Variants in EIF2AK4 observed in about 807,000 individuals in gnomAD.
EIF2AK4 encodes eukaryotic translation initiation factor 2 alpha kinase 4.
A neutral mutation model predicts 211.1 loss-of-function variants in EIF2AK4; 139 were observed. The ratio of observed to expected loss-of-function variants is 0.66; its 90% CI spans 0.57 to 0.76. EIF2AK4 has a LOEUF of 0.76. EIF2AK4 is among the 30% of genes least tolerant of loss of function. The pLI, the probability that EIF2AK4 is intolerant of heterozygous loss-of-function variation, is 0.00. For synonymous variants in EIF2AK4, 710 were observed against 751.3 expected, an observed-to-expected ratio of 0.94 and a Z score of 0.90; for missense variants, 1,664 against 2,043.8, an observed-to-expected ratio of 0.81 and a Z score of 3.58.
Position 39,988,951 on chromosome 15 carries a change from A to C in EIF2AK4, c.2526+846A>C, listed in dbSNP as rs562686023. On this transcript the variant is annotated intron_variant, in intron 15 of 38. Coordinates refer to ENST00000263791, the MANE Select transcript of EIF2AK4 (RefSeq NM_001013703.4). ...GGGAGGTGGAGGTTGCAGTGAGCTGAGATTGTACCACTGCGCTCCAGCCTA... is the reference window on the plus strand; with the variant it reads ...GGGAGGTGGAGGTTGCAGTGAGCTGCGATTGTACCACTGCGCTCCAGCCTA... Among the ~76,000 whole-genome samples, 4 of 152,298 alleles carry C rather than the reference A, an allele frequency of 2.6e-5. No homozygotes were observed. The South Asian group carries it at 6.2e-4, about 24-fold the overall frequency.
intron 8 of EIF2AK4, among the ~76,000 whole-genome samples, chr15:39,967,007 T>C (rs1038950548): frequency 7.2e-5 from 11 of 152,234 alleles, no homozygotes; most frequent in African/African-American, 2.2e-4. Flanking sequence ...TTTTTTCTAG[T>C]GGCTATACCT....
intron 16 of EIF2AK4, among the ~76,000 whole-genome samples, chr15:39,990,982 G>A (rs1050683435): frequency 6.6e-6 from 1 of 152,234 alleles, no homozygotes; most frequent in African/African-American, 2.4e-5. Flanking sequence ...AGGTGCAGGG[G>A]AGAGTAAGAG....
intron 6 of EIF2AK4, among the ~76,000 whole-genome samples, chr15:39,956,755 A>G (rs1452044004): frequency 6.6e-6 from 1 of 152,112 alleles, no homozygotes; most frequent in Non-Finnish European, 1.5e-5. Context: ...TTCAACCTTC[A>G]TTGTATGTTT....
At chr15:40,011,399 C>G in intron 27 of EIF2AK4, 53 bp downstream of exon 27, 1 of 1,470,912 alleles carries the variant, frequency 6.8e-7, no homozygotes, top group Non-Finnish European at 9.4e-7. Flanking sequence ...TTTGTGATAC[C>G]AGAAAATGTC....
intron 9 of EIF2AK4, among the ~76,000 whole-genome samples, chr15:39,968,984 A>G: frequency 6.6e-6 from 1 of 152,078 alleles, no homozygotes; most frequent in East Asian, 1.9e-4. Context: ...TAAGATTTCT[A>G]AAGAAATCTT....
At chr15:39,999,009 T>C (rs1409747969) in intron 20 of EIF2AK4, among the ~76,000 whole-genome samples, 3 of 152,172 alleles carry the variant, frequency 2.0e-5, no homozygotes, top group Non-Finnish European at 4.4e-5. Flanking sequence ...CAGGGTTCTT[T>C]TGTGCAATTC....
chr15:40,009,509 C>T, intron 25 of EIF2AK4, 105 bp from the exon 26 acceptor site: 1 of 661,360 alleles, frequency 1.5e-6, no homozygotes, highest in Non-Finnish European at 2.6e-6. Flanking sequence ...TAAATTCAAT[C>T]CTTCCATTGT....
At chr15:39,944,536 A>G (rs2034198055) in intron 3 of EIF2AK4, among the ~76,000 whole-genome samples, 1 of 145,282 alleles carries the variant, frequency 6.9e-6, no homozygotes, top group Non-Finnish European at 1.5e-5. Flanking sequence ...GGTTCGCGCC[A>G]TTCTCCTGCC....
At chr15:39,937,862 C>A (rs1464213505) in intron 1 of EIF2AK4, among the ~76,000 whole-genome samples, 2 of 152,186 alleles carry the variant, frequency 1.3e-5, no homozygotes, top group Admixed American at 1.3e-4. Flanking sequence ...AAATGCCATT[C>A]CTACAAGCCC....
At position 40,026,012 on chromosome 15, in the gene EIF2AK4, G is replaced by A. The variant is rs768151794; in HGVS notation, c.4425G>A (p.Lys1475=). The change falls in exon 33 of 39, where the codon AAG becomes AAA. Residue 1475 remains lysine, a synonymous_variant. Transcript: ENST00000263791. ...KSFEKERQTE[K]RVLETELVDH... ...TCGAGAAGGAAAGGCAGACAGAGAA[G>A]CGTGTGCTGGAGACTGAACTTGTGG... 1 of 1,614,166 alleles carries A rather than the reference G, an allele frequency of 6.2e-7. No individual in the cohort carries two copies. The highest frequency in any genetic ancestry group is 2.2e-5 in the East Asian group (1 of 44,884).
intron 34 of EIF2AK4, 94 bp downstream of exon 34, chr15:40,029,558 C>T: frequency 7.6e-7 from 1 of 1,309,980 alleles, no homozygotes; most frequent in Non-Finnish European, 1.1e-6. Flanking sequence ...CACTGGAAAT[C>T]TATTTTTAAA....
intron 13 of EIF2AK4, among the ~76,000 whole-genome samples, chr15:39,978,876 C>T (rs1167097505): frequency 1.3e-5 from 2 of 152,158 alleles, no homozygotes; most frequent in African/African-American, 2.4e-5. Flanking sequence ...TGAGACACTA[C>T]ATACATCATG....
chr15:40,009,667 C>T lies in EIF2AK4; in HGVS notation c.3630C>T (p.Leu1210=), dbSNP rs1318313406. Residue 1210 remains leucine, a synonymous_variant, in exon 26 of 39, where the codon CTC becomes CTT. Coordinates refer to ENST00000263791, the MANE Select transcript of EIF2AK4 (RefSeq NM_001013703.4). ...LNHTMLLKAI[L]LHCGIPEDKL... ...ATACCATGTTATTGAAAGCAATACT[C>T]TTACACTGTGGGATCCCAGAAGATA... 6.2e-7 allele frequency: 1 copy of T among 1,610,614 alleles called. No homozygotes were observed.
chr15:40,022,335 A>G lies in EIF2AK4; in HGVS notation c.4303-184A>G, dbSNP rs2035402593. Reference sequence around the variant, plus strand: ...ATCATGAAGGGAAGGGAGGCAAGAGAGGCCTTGTTCCTCCCTTGAATTCTA... The same window carrying G: ...ATCATGAAGGGAAGGGAGGCAAGAGGGGCCTTGTTCCTCCCTTGAATTCTA... On this transcript the variant is annotated intron_variant, in intron 31 of 38. Transcript: ENST00000263791. 3 of 547,324 alleles carry G rather than the reference A, an allele frequency of 5.5e-6. No individual in the cohort carries two copies. The East Asian group carries it at 9.2e-5, about 17-fold the overall frequency. 33.9% of individuals were successfully genotyped at this position (547,324 alleles called of 1,614,324 possible). A position where few individuals can be genotyped will look rare whatever the true frequency, so the allele number is the denominator to read the frequency against.
intron 14 of EIF2AK4, among the ~76,000 whole-genome samples, chr15:39,987,775 A>G (rs1018004225): frequency 9.2e-5 from 14 of 152,364 alleles, no homozygotes; most frequent in African/African-American, 3.4e-4. Context: ...AAAAATGGTT[A>G]TGTTGGAGTG....
At chr15:40,004,099 T>C (rs2035128083) in intron 23 of EIF2AK4, among the ~76,000 whole-genome samples, 5 of 152,234 alleles carry the variant, frequency 3.3e-5, no homozygotes, top group Admixed American at 1.3e-4. Context: ...TAAATTAATG[T>C]TATCCAGAGA....
intron 25 of EIF2AK4, among the ~76,000 whole-genome samples, chr15:40,008,902 G>A (rs1763375395): frequency 6.6e-6 from 1 of 152,106 alleles, no homozygotes; most frequent in Non-Finnish European, 1.5e-5. Flanking sequence ...TCGGCACATG[G>A]CTCACCACTC....
At chr15:39,937,845 T>C (rs2034089214) in intron 1 of EIF2AK4, among the ~76,000 whole-genome samples, 2 of 152,204 alleles carry the variant, frequency 1.3e-5, no homozygotes, top group African/African-American at 2.4e-5. Context: ...TGTCTTCCAC[T>C]CATTTGAAAT....
intron 35 of EIF2AK4, 106 bp from the exon 36 acceptor site, chr15:40,032,063 A>G: frequency 1.0e-6 from 1 of 974,128 alleles, no homozygotes; most frequent in Non-Finnish European, 1.6e-6. Flanking sequence ...AATCCTTTCT[A>G]GGCTTTGGTA....
Sources: gnomAD v4.1 joint callset for allele counts (sites outside exome capture counted in the v4.1 genomes callset) on GRCh38, gnomAD v4.1.1 for gene constraint, MANE v1.5 for transcripts, NCBI Gene and HGNC (gene_info 2026-07-23, HGNC 2026-07-21) for gene names.